KIF17: variants seen among roughly 807,000 people sequenced by gnomAD.
KIF17 encodes kinesin family member 17.
Under a neutral mutation model 96.8 loss-of-function variants are expected in KIF17, and 80 were observed. The ratio of observed to expected loss-of-function variants is 0.83; its 90% CI spans 0.69 to 1.00. The LOEUF is 1.00. Ranked by LOEUF, KIF17 falls within the 50% of genes least tolerant of loss-of-function variation. The probability of loss-of-function intolerance (pLI) is 0.00; values close to 1 mark genes in which losing one functional copy is unlikely to be tolerated. For synonymous variants in KIF17, 567 were observed against 587.5 expected, an observed-to-expected ratio of 0.97 and a Z score of 0.51; for missense variants, 1,280 against 1,372.9, an observed-to-expected ratio of 0.93 and a Z score of 1.07.
chr1:20,710,208 T>C (rs761071954), intron 3 of KIF17, among the ~76,000 whole-genome samples: 9 of 152,202 alleles, frequency 5.9e-5, no homozygotes, highest in Non-Finnish European at 8.8e-5. Flanking sequence ...GTGCTGTTGT[T>C]GTTAGTGCTA....
chr1:20,672,136 C>T lies in KIF17; in HGVS notation c.2524G>A (p.Asp842Asn), dbSNP rs200369420. ...TGCCGGCGGATGGTGGCCAAGTAAT[C>T]GATCTTCTCCAGCTGAAACTCGGAC... The part of the protein sequence containing the change: ...LQSEFQLEKI[D>N]YLATIRRQER... The change falls in exon 12 of 15, where the codon GAT becomes AAT. Residue 842 changes from aspartate (D) to asparagine (N), a missense_variant. Transcript: ENST00000400463. This position sits in a 1 kb window ranked among gnomAD's most constrained non-coding sequence, Gnocchi z 4.3. The T allele has an allele frequency of 6.2e-6, 10 of 1,614,170 alleles. No homozygotes were observed. The East Asian group carries it at 8.9e-5, about 14-fold the overall frequency.
At position 20,672,231 on chromosome 1, in the gene KIF17, A is replaced by G. The variant is rs1185753571; in HGVS notation, c.2464-35T>C. On this transcript the variant is annotated intron_variant, in intron 11 of 14. Coordinates refer to ENST00000400463, the MANE Select transcript of KIF17 (RefSeq NM_001122819.3). The surrounding 1 kb of genome is among the most constrained non-coding windows in gnomAD (Gnocchi z 4.3). ...AAGGATGACAAGCAGTGAGCAGGGA[A>G]AGATACCTCCCCTTCCATCTAACCA... is the stretch of plus-strand genomic sequence containing the variant. 3.7e-6 allele frequency: 6 copies of G among 1,612,296 alleles called. No homozygotes were observed. Among genetic ancestry groups the G allele is most frequent in the South Asian group, 1.1e-5 (1 of 90,898 alleles).
chr1:20,713,593 C>T, intron 2 of KIF17, 38 bp from the exon 3 acceptor site: 1 of 1,495,874 alleles, frequency 6.7e-7, no homozygotes, highest in Non-Finnish European at 9.2e-7. Context: ...GACCTCAGAG[C>T]TCGAAGTCCA....
intron 3 of KIF17, among the ~76,000 whole-genome samples, chr1:20,710,595 G>C (rs551619558): frequency 1.3e-5 from 2 of 152,212 alleles, no homozygotes; most frequent in Admixed American, 6.5e-5. Flanking sequence ...AGAGCAGAAT[G>C]AATGAGGACA....
chr1:20,706,055 T>A (rs945693895), intron 4 of KIF17, among the ~76,000 whole-genome samples: 2 of 151,572 alleles, frequency 1.3e-5, no homozygotes, highest in African/African-American at 4.8e-5. Context: ...ACTGAAGGCG[T>A]ACATCACCAC....
chr1:20,702,597 C>T (rs1007304048), intron 5 of KIF17, among the ~76,000 whole-genome samples: 5 of 152,214 alleles, frequency 3.3e-5, no homozygotes, highest in East Asian at 3.9e-4. Context: ...CACCTCCCAT[C>T]ACCCCTATGC....
At chr1:20,681,104 T>G (rs1407464816) in intron 11 of KIF17, among the ~76,000 whole-genome samples, 2 of 138,358 alleles carry the variant, frequency 1.4e-5, no homozygotes, top group African/African-American at 5.5e-5. Context: ...CCAGCCTGGG[T>G]GACAGAGCAA....
At chr1:20,694,573 G>T (rs2054099968) in intron 6 of KIF17, among the ~76,000 whole-genome samples, 1 of 152,182 alleles carries the variant, frequency 6.6e-6, no homozygotes, top group Non-Finnish European at 1.5e-5. Flanking sequence ...GGACAGGGAT[G>T]GCGTGGGCAA....
intron 5 of KIF17, among the ~76,000 whole-genome samples, chr1:20,698,968 G>A (rs780144698): frequency 1.3e-4 from 20 of 152,064 alleles, no homozygotes; most frequent in Non-Finnish European, 2.4e-4. Flanking sequence ...TATATTTATC[G>A]AGACAGGGTC....
rs1048324429 is a variant in KIF17, at chr1:20,688,389, C to T, written c.1382-445G>A. 3.3e-5 allele frequency among the ~76,000 whole-genome samples: 5 copies of T among 152,314 alleles called. No individual in the cohort carries two copies. In the East Asian group the frequency reaches 9.7e-4, roughly 29 times the overall value. On this transcript the variant is annotated intron_variant, in intron 7 of 14. Coordinates refer to ENST00000400463, the MANE Select transcript of KIF17 (RefSeq NM_001122819.3). ...TAAAAGACCAGCTTAAGAGTCAGAG[C>T]CTCCCAGACCCTCCAGAGGCTGGCT...
At chr1:20,675,366 T>A (rs1307019846) in intron 11 of KIF17, among the ~76,000 whole-genome samples, 4 of 150,514 alleles carry the variant, frequency 2.7e-5, no homozygotes, top group Non-Finnish European at 5.9e-5. Context: ...GAGAATGGCG[T>A]GAACCCCGGA....
chr1:20,713,426 C>T, intron 3 of KIF17, 28 bp downstream of exon 3: 1 of 1,559,394 alleles, frequency 6.4e-7, no homozygotes, highest in Non-Finnish European at 8.8e-7. Context: ...CTACCAGCCC[C>T]ACCTGCCCAC....
chr1:20,664,015 T>A lies in KIF17; in HGVS notation c.*569A>T, dbSNP rs2053479771. 1 of 164,758 alleles carries A rather than the reference T, an allele frequency of 6.1e-6. No homozygotes were observed. Among genetic ancestry groups the A allele is most frequent in the Non-Finnish European group, 1.3e-5 (1 of 74,204 alleles). 10.2% of individuals were successfully genotyped at this position (164,758 alleles called of 1,614,324 possible). ...GTCAGAGGGTCAGAGAAGGGGAGCT[T>A]ATCTTAAAAGCAGTTTATTGGGCAG... On this transcript the variant is annotated 3_prime_UTR_variant, in exon 15 of 15. Transcript: ENST00000400463.
chr1:20,674,135 C>T (rs576930891), intron 11 of KIF17, among the ~76,000 whole-genome samples: 106 of 152,194 alleles, frequency 7.0e-4, no homozygotes, highest in African/African-American at 2.1e-3. Flanking sequence ...CCCTGTGTTG[C>T]CCAGGCTTGT....
rs781316184 is a variant in KIF17 at position 20,664,654 on chromosome 1, G to C, written c.3017C>G (p.Ser1006Cys). The change falls in exon 15 of 15, where the codon TCC (serine) becomes TGC (cysteine). Residue 1006 changes from serine (S) to cysteine (C), a missense_variant. By Grantham distance (112) the Ser-to-Cys change is moderately radical. Transcript: ENST00000400463. ...MPQPRPFRLESLDIPFTKAKR... is the reference protein window; with the variant it reads ...MPQPRPFRLECLDIPFTKAKR... ...GGCCTTGGTGAAAGGGATGTCGAGG[G>C]ACTCGAGGCGGAAGGGCCGGGGCTG... The C allele has an allele frequency of 2.1e-6, 3 of 1,412,150 alleles. No individual in the cohort carries two copies. Among genetic ancestry groups the C allele is most frequent in the Admixed American group, 1.9e-5 (1 of 53,496 alleles). The allele number at this position is 1,412,150 out of a possible 1,614,324, so 87.5% of individuals were successfully genotyped here.
chr1:20,689,112 G>T (rs907263600), intron 7 of KIF17, among the ~76,000 whole-genome samples: 3 of 152,164 alleles, frequency 2.0e-5, no homozygotes, highest in African/African-American at 7.2e-5. Context: ...GAGGATTCAG[G>T]GAGTCCTACC....
At chr1:20,675,167 G>C (rs1308977459) in intron 11 of KIF17, among the ~76,000 whole-genome samples, 2 of 144,714 alleles carry the variant, frequency 1.4e-5, no homozygotes, top group East Asian at 4.2e-4. Flanking sequence ...AAAAAAAAGG[G>C]CCGGGTGCGG....
chr1:20,715,359 C>T, intron 2 of KIF17, 134 bp downstream of exon 2: 1 of 1,188,348 alleles, frequency 8.4e-7, no homozygotes, highest in Non-Finnish European at 1.2e-6. Context: ...CTTTTCAGAA[C>T]CCAGAGCCTT....
chr1:20,702,897 C>G (rs1254062087), intron 5 of KIF17, among the ~76,000 whole-genome samples: 2 of 152,172 alleles, frequency 1.3e-5, no homozygotes, highest in Non-Finnish European at 2.9e-5. Context: ...GATTAGGTAC[C>G]CCACGAGGCA....
Sources: allele counts gnomAD v4.1 joint callset (sites outside exome capture counted in the v4.1 genomes callset), GRCh38; gene constraint gnomAD v4.1.1; non-coding constraint Gnocchi (gnomAD v3.1); transcripts MANE v1.5; gene names NCBI Gene and HGNC (gene_info 2026-07-23, HGNC 2026-07-21).